The following SLC16A10 variants were observed in gnomAD, a reference collection of about 807,000 sequenced individuals.
SLC16A10 encodes solute carrier family 16 member 10.
Under a neutral mutation model 40.0 loss-of-function variants are expected in SLC16A10, and 27 were observed. The ratio of observed to expected loss-of-function variants is 0.67; its 90% CI spans 0.50 to 0.93. The LOEUF is 0.93. SLC16A10 is among the 40% of genes least tolerant of loss of function. The pLI is 0.00. For missense variants in SLC16A10, 529 were observed against 658.2 expected (o/e 0.80, Z 2.15); for synonymous variants, 213 against 249.8 (o/e 0.85, Z 1.39).
chr6:111,170,626 T>G (rs531912597), intron 1 of SLC16A10, among the ~76,000 whole-genome samples: 11 of 151,926 alleles, frequency 7.2e-5, no homozygotes, highest in Non-Finnish European at 1.5e-4. Flanking sequence ...ATTTTTGTAT[T>G]TTAGTAGAGG....
intron 3 of SLC16A10, among the ~76,000 whole-genome samples, chr6:111,190,870 G>C (rs1256130182): frequency 2.6e-5 from 4 of 152,206 alleles, no homozygotes; most frequent in African/African-American, 9.6e-5. Context: ...GATGGGAAGG[G>C]CTACGTTGAA....
chr6:111,101,152 TCCCA>T, intron 1 of SLC16A10, among the ~76,000 whole-genome samples: 1 of 151,562 alleles, frequency 6.6e-6, no homozygotes, highest in Non-Finnish European at 1.5e-5. Flanking sequence ...CACCTCAACC[TCCCA>T]AGTAGTTAGG....
intron 1 of SLC16A10, among the ~76,000 whole-genome samples, chr6:111,140,386 C>T (rs1180324493): frequency 6.6e-6 from 1 of 152,006 alleles, no homozygotes; most frequent in East Asian, 1.9e-4. Flanking sequence ...TGGCTTGAGC[C>T]CAGGAGGTCA....
chr6:111,108,400 T>C (rs570356016), intron 1 of SLC16A10, among the ~76,000 whole-genome samples: 9 of 152,320 alleles, frequency 5.9e-5, no homozygotes, highest in African/African-American at 2.2e-4. Context: ...CACCTATTTT[T>C]CTTCAGTTAA....
At chr6:111,094,927 T>C (rs530818556) in intron 1 of SLC16A10, among the ~76,000 whole-genome samples, 1 of 152,334 alleles carries the variant, frequency 6.6e-6, no homozygotes, top group South Asian at 2.1e-4. Context: ...AGGCGGGACC[T>C]ACTGTGCCTG....
rs191701287 is a variant in SLC16A10 at position 111,225,098 on chromosome 6, G to A, written c.*2863G>A. On this transcript the variant is annotated 3_prime_UTR_variant, in exon 6 of 6. Coordinates refer to ENST00000368851, the MANE Select transcript of SLC16A10 (RefSeq NM_018593.5). ...ATTTTGGTTAAATTTTATTGCAATG[G>A]ATATTGCTGGGATCCATCCATTTAA... 9.2e-5 allele frequency: 14 copies of A among 152,236 alleles called. No individual in the cohort carries two copies. The East Asian group carries it at 2.7e-3, about 29-fold the overall frequency. 9.4% of individuals were successfully genotyped at this position (152,236 alleles called of 1,614,324 possible).
intron 3 of SLC16A10, among the ~76,000 whole-genome samples, chr6:111,196,722 G>A (rs1441049660): frequency 6.6e-6 from 1 of 152,152 alleles, no homozygotes; most frequent in African/African-American, 2.4e-5. Context: ...AAGTTTCTCT[G>A]TGTAGAGCAT....
intron 3 of SLC16A10, among the ~76,000 whole-genome samples, chr6:111,201,159 G>A (rs1415519287): frequency 1.3e-5 from 2 of 152,076 alleles, no homozygotes; most frequent in Non-Finnish European, 2.9e-5. Context: ...TTTCCAGTTC[G>A]ATGATGTGTA....
intron 1 of SLC16A10, among the ~76,000 whole-genome samples, chr6:111,149,635 C>T (rs1772138621): frequency 6.6e-6 from 1 of 152,238 alleles, no homozygotes; most frequent in Admixed American, 6.5e-5. Context: ...CTATTCCCCT[C>T]TCATACTGGG....
At chr6:111,178,557 GAA>G (rs150694490) in intron 3 of SLC16A10, 952 of 281,520 alleles carry the variant, frequency 3.4e-3, no homozygotes, top group South Asian at 5.4e-3. Context: ...CCTGGGGAAG[GAA>G]AAAAAAAAAA....
intron 3 of SLC16A10, among the ~76,000 whole-genome samples, chr6:111,192,056 A>G (rs970575265): frequency 1.1e-4 from 16 of 152,072 alleles, no homozygotes; most frequent in Non-Finnish European, 1.6e-4. Flanking sequence ...TTTTGTTGCC[A>G]TTGCTTTTGG....
At chr6:111,171,905 A>G (rs1199473556) in intron 1 of SLC16A10, among the ~76,000 whole-genome samples, 3 of 151,972 alleles carry the variant, frequency 2.0e-5, no homozygotes, top group East Asian at 1.9e-4. Context: ...TCTAGAAATG[A>G]TGATCATTTG....
intron 2 of SLC16A10, 52 bp from the exon 3 acceptor site, chr6:111,177,160 C>T (rs1772700223): frequency 1.6e-6 from 2 of 1,245,404 alleles, no homozygotes; most frequent in Non-Finnish European, 2.1e-6. Flanking sequence ...TTCTACCAAG[C>T]ACACAGTAAC....
At chr6:111,198,753 T>A (rs755651616) in intron 3 of SLC16A10, among the ~76,000 whole-genome samples, 2 of 152,200 alleles carry the variant, frequency 1.3e-5, no homozygotes, top group Non-Finnish European at 2.9e-5. Context: ...GATTAGAGAC[T>A]CCATAACCCA....
chr6:111,124,043 C>T lies in SLC16A10; in HGVS notation c.343+35948C>T, dbSNP rs80088691. On this transcript the variant is annotated intron_variant, in intron 1 of 5. Coordinates refer to ENST00000368851, the MANE Select transcript of SLC16A10 (RefSeq NM_018593.5). Reference sequence around the variant, plus strand: ...GCTCTACTTTAGAGGGCTTGAGGGCCGCATTAGGAGCAAACCAAATACTCT... The same window carrying T: ...GCTCTACTTTAGAGGGCTTGAGGGCTGCATTAGGAGCAAACCAAATACTCT... 6.0e-4 allele frequency among the ~76,000 whole-genome samples: 91 copies of T among 152,110 alleles called. No homozygotes were observed. The East Asian group carries it at 0.012, about 20-fold the overall frequency.
rs535687946 is a variant in SLC16A10 at position 111,094,539 on chromosome 6, T to A, written c.343+6444T>A. ...TTATTTCTCTTCCTTCCTTACCTGT[T>A]TTGTTAAATCAGAGTTCTTTTGTGT... On this transcript the variant is annotated intron_variant, in intron 1 of 5. Transcript: ENST00000368851. Among the ~76,000 whole-genome samples the A allele has an allele frequency of 8.5e-4, 129 of 152,314 alleles. 1 individual carries two copies. The highest frequency in any genetic ancestry group is 1.3e-3 in the Non-Finnish European group (88 of 68,028).
intron 3 of SLC16A10, among the ~76,000 whole-genome samples, chr6:111,188,314 C>A (rs1404220484): frequency 1.3e-5 from 2 of 151,072 alleles, no homozygotes; most frequent in Admixed American, 1.3e-4. Context: ...TCCCTTCTTT[C>A]CTTTTTCCTT....
chr6:111,100,492 G>A (rs1771155295), intron 1 of SLC16A10, among the ~76,000 whole-genome samples: 1 of 152,002 alleles, frequency 6.6e-6, no homozygotes, highest in South Asian at 2.1e-4. Context: ...GTGTACAAGC[G>A]ATTCTCCTGC....
intron 2 of SLC16A10, among the ~76,000 whole-genome samples, chr6:111,174,139 CAGG>C (rs1471521621): frequency 1.3e-5 from 2 of 152,198 alleles, no homozygotes; most frequent in African/African-American, 4.8e-5. Flanking sequence ...CTCTGGCTAA[CAGG>C]AGGTGATTAA....
Sources: gnomAD v4.1 joint callset for allele counts (sites outside exome capture counted in the v4.1 genomes callset) on GRCh38, gnomAD v4.1.1 for gene constraint, MANE v1.5 for transcripts, NCBI Gene and HGNC (gene_info 2026-07-23, HGNC 2026-07-21) for gene names.